HS3ST3A1: variants seen among roughly 807,000 people sequenced by gnomAD.
HS3ST3A1 encodes heparan sulfate glucosamine 3-O-sulfotransferase 3A1.
In HS3ST3A1, 19 loss-of-function variants were observed where a neutral mutation model predicts 25.7. The ratio of observed to expected loss-of-function variants is 0.74; its 90% CI spans 0.52 to 1.08. The LOEUF is 1.08. Ranked by LOEUF, HS3ST3A1 falls within the 50% of genes least tolerant of loss-of-function variation. The pLI is 0.00. For synonymous variants in HS3ST3A1, 226 were observed against 278.6 expected, an observed-to-expected ratio of 0.81 and a Z score of 1.88; for missense variants, 459 against 594.3, an observed-to-expected ratio of 0.77 and a Z score of 2.37.
At chr17:13,581,095 G>T (rs185864188) in intron 1 of HS3ST3A1, among the ~76,000 whole-genome samples, 41 of 152,194 alleles carry the variant, frequency 2.7e-4, no homozygotes, top group Non-Finnish European at 7.4e-5. Context: ...TATGCTCAAA[G>T]ATATTAATAT....
At chr17:13,544,856 C>G (rs1907040271) in intron 1 of HS3ST3A1, among the ~76,000 whole-genome samples, 1 of 152,002 alleles carries the variant, frequency 6.6e-6, no homozygotes, top group South Asian at 2.1e-4. Flanking sequence ...GGTGCTCACT[C>G]AATTGGGCGT....
chr17:13,544,454 C>T (rs538829690), intron 1 of HS3ST3A1, among the ~76,000 whole-genome samples: 1 of 152,338 alleles, frequency 6.6e-6, no homozygotes, highest in Non-Finnish European at 1.5e-5. Context: ...CTGTGAGTCA[C>T]CCTTTGAAGG....
rs759004123 is a variant in HS3ST3A1 at position 13,512,919 on chromosome 17, CAT to C, written c.600-16103_600-16102del. ...TTTTGGTCATTTGCCAACTTTCAGA[CAT>C]AGAAAAATAATAGATTTATATATTT... On this transcript the variant is annotated intron_variant, in intron 1 of 1. Coordinates refer to ENST00000284110, the MANE Select transcript of HS3ST3A1 (RefSeq NM_006042.3). Among the ~76,000 whole-genome samples, 10 of 152,142 alleles carry C rather than the reference CAT, an allele frequency of 6.6e-5. 1 individual carries two copies. The East Asian group carries it at 1.5e-3, about 23-fold the overall frequency.
chr17:13,586,732 T>C (rs957049443), intron 1 of HS3ST3A1, among the ~76,000 whole-genome samples: 1 of 150,176 alleles, frequency 6.7e-6, no homozygotes, highest in East Asian at 2.0e-4. Flanking sequence ...TAGCCAAGCG[T>C]GGTGGCGGGC....
chr17:13,599,008 T>C (rs1400050488), intron 1 of HS3ST3A1, among the ~76,000 whole-genome samples: 1 of 152,036 alleles, frequency 6.6e-6, no homozygotes, highest in Admixed American at 6.6e-5. Flanking sequence ...CAAACTGCTA[T>C]AGATAAGAGT....
intron 1 of HS3ST3A1, among the ~76,000 whole-genome samples, chr17:13,519,547 A>G (rs533761172): frequency 6.7e-6 from 1 of 149,726 alleles, no homozygotes; most frequent in South Asian, 2.1e-4. Context: ...AATAGCAATG[A>G]TGATGATGAT....
chr17:13,592,432 C>CGG (rs1908452335), intron 1 of HS3ST3A1, among the ~76,000 whole-genome samples: 1 of 151,990 alleles, frequency 6.6e-6, no homozygotes, highest in African/African-American at 2.4e-5. Flanking sequence ...AGATATACCG[C>CGG]GGGGTCCAAT....
chr17:13,536,193 T>G (rs890495535), intron 1 of HS3ST3A1, among the ~76,000 whole-genome samples: 7 of 152,192 alleles, frequency 4.6e-5, no homozygotes, highest in Non-Finnish European at 1.0e-4. Flanking sequence ...GAAGGCATTT[T>G]GGTTTCAAGG....
chr17:13,501,975 G>A (rs1021604300), intron 1 of HS3ST3A1, among the ~76,000 whole-genome samples: 4 of 152,170 alleles, frequency 2.6e-5, no homozygotes, highest in African/African-American at 9.7e-5. Flanking sequence ...GAGAGAGATG[G>A]GCTCGGTTTT....
At chr17:13,576,164 C>T (rs1907943586) in intron 1 of HS3ST3A1, among the ~76,000 whole-genome samples, 2 of 152,188 alleles carry the variant, frequency 1.3e-5, no homozygotes. Flanking sequence ...GGACTCTAGA[C>T]CTTAATAGCT....
chr17:13,599,961 G>C (rs1328854914), intron 1 of HS3ST3A1, among the ~76,000 whole-genome samples: 1 of 152,212 alleles, frequency 6.6e-6, no homozygotes, highest in African/African-American at 2.4e-5. Flanking sequence ...GTGCCTGGTT[G>C]CTTTCCCTTG....
chr17:13,574,883 G>A (rs759095684), intron 1 of HS3ST3A1, among the ~76,000 whole-genome samples: 16 of 152,080 alleles, frequency 1.1e-4, no homozygotes, highest in Non-Finnish European at 1.8e-4. Context: ...TGCAAGGGGG[G>A]TCTGCTTTTT....
chr17:13,531,058 G>C (rs1405697190), intron 1 of HS3ST3A1, among the ~76,000 whole-genome samples: 1 of 152,092 alleles, frequency 6.6e-6, no homozygotes, highest in Non-Finnish European at 1.5e-5. Context: ...AGTGTCATCT[G>C]AACTCAAGAG....
chr17:13,576,819 G>A (rs16948143), intron 1 of HS3ST3A1, among the ~76,000 whole-genome samples: 7,219 of 152,128 alleles, frequency 0.047, 269 homozygotes, highest in African/African-American at 0.093. Context: ...CCAATAAACC[G>A]GATGGTGCAA....
At chr17:13,505,118 T>A (rs1194026781) in intron 1 of HS3ST3A1, among the ~76,000 whole-genome samples, 2 of 152,086 alleles carry the variant, frequency 1.3e-5, no homozygotes, top group Admixed American at 1.3e-4. Flanking sequence ...ACAATCAGGG[T>A]ATGGAAGGTA....
At position 13,585,850 on chromosome 17, in the gene HS3ST3A1, T is replaced by G. The variant is rs914209497; in HGVS notation, c.599+14681A>C. ...TATTCCTCCTTCTGCGTTTTTTTTT[T>G]TTTTTTTTTTTTTTTTTCTGACAGA... On this transcript the variant is annotated intron_variant, in intron 1 of 1. Transcript: ENST00000284110. Among the ~76,000 whole-genome samples, 81 of 137,380 alleles carry G rather than the reference T, an allele frequency of 5.9e-4. 3 individuals carry two copies. The highest frequency in any genetic ancestry group is 2.2e-3 in the African/African-American group (79 of 36,444). 90.1% of individuals were successfully genotyped at this position (137,380 alleles called of 152,430 possible).
chr17:13,545,706 A>G (rs984675823), intron 1 of HS3ST3A1, among the ~76,000 whole-genome samples: 1 of 152,172 alleles, frequency 6.6e-6, no homozygotes, highest in Non-Finnish European at 1.5e-5. Context: ...AAAATGCTAA[A>G]AAGCATCAGG....
At chr17:13,587,892 T>A (rs1022819785) in intron 1 of HS3ST3A1, among the ~76,000 whole-genome samples, 1 of 152,242 alleles carries the variant, frequency 6.6e-6, no homozygotes, top group African/African-American at 2.4e-5. Flanking sequence ...CCAGAATGCA[T>A]GACCTAATCC....
chr17:13,587,839 C>A (rs1010296460), intron 1 of HS3ST3A1, among the ~76,000 whole-genome samples: 1 of 152,154 alleles, frequency 6.6e-6, no homozygotes, highest in African/African-American at 2.4e-5. Flanking sequence ...TCCTCCCAAA[C>A]AACTTTGTGC....
Sources: gnomAD v4.1 joint callset for allele counts (sites outside exome capture counted in the v4.1 genomes callset) on GRCh38, gnomAD v4.1.1 for gene constraint, MANE v1.5 for transcripts, NCBI Gene and HGNC (gene_info 2026-07-23, HGNC 2026-07-21) for gene names.